CNTNAP5: variants seen among roughly 807,000 people sequenced by gnomAD.
CNTNAP5 encodes the protein contactin-associated protein-like 5.
Under a neutral mutation model 150.2 loss-of-function variants are expected in CNTNAP5, and 72 were observed. The ratio of observed to expected loss-of-function variants is 0.48; its 90% CI spans 0.40 to 0.58. CNTNAP5 has a LOEUF of 0.58. Among genes scored for constraint, CNTNAP5 ranks in the 20% least tolerant of loss-of-function variants. The probability of loss-of-function intolerance (pLI) is 0.00; values close to 1 mark genes in which losing one functional copy is unlikely to be tolerated. For synonymous variants in CNTNAP5, 672 were observed against 619.8 expected (o/e 1.08, Z -1.25); for missense variants, 1,636 against 1,626.2 (o/e 1.01, Z -0.10).
intron 13 of CNTNAP5, among the ~76,000 whole-genome samples, chr2:124,712,418 C>T (rs927454750): frequency 6.6e-6 from 1 of 152,146 alleles, no homozygotes; most frequent in Non-Finnish European, 1.5e-5. Flanking sequence ...AACACAGCTG[C>T]CAGGACTCAT....
At chr2:124,304,637 T>C (rs1350627709) in intron 3 of CNTNAP5, among the ~76,000 whole-genome samples, 1 of 151,960 alleles carries the variant, frequency 6.6e-6, no homozygotes, top group Non-Finnish European at 1.5e-5. Context: ...TGAGAGTCAA[T>C]TGGAAAGAGA....
intron 1 of CNTNAP5, among the ~76,000 whole-genome samples, chr2:124,157,049 C>T (rs954409133): frequency 6.6e-6 from 1 of 152,212 alleles, no homozygotes; most frequent in African/African-American, 2.4e-5. Context: ...ATAAAGGATT[C>T]TCCCCTAACT....
At chr2:124,113,364 T>G (rs1007603948) in intron 1 of CNTNAP5, among the ~76,000 whole-genome samples, 7 of 152,106 alleles carry the variant, frequency 4.6e-5, no homozygotes, top group African/African-American at 1.7e-4. Context: ...CGTTAAAAAA[T>G]TCTTTATTGT....
intron 13 of CNTNAP5, among the ~76,000 whole-genome samples, chr2:124,687,020 G>A (rs753954610): frequency 1.6e-4 from 25 of 152,046 alleles, no homozygotes; most frequent in South Asian, 1.2e-3. Flanking sequence ...CAGTCATTGC[G>A]AATGATCTTT....
At chr2:124,794,151 A>G (rs1681794524) in intron 18 of CNTNAP5, among the ~76,000 whole-genome samples, 1 of 152,114 alleles carries the variant, frequency 6.6e-6, no homozygotes, top group Non-Finnish European at 1.5e-5. Context: ...ATCTGGTGCT[A>G]CTACCTTCTC....
intron 1 of CNTNAP5, among the ~76,000 whole-genome samples, chr2:124,038,618 A>T (rs1558733821): frequency 6.6e-6 from 1 of 152,194 alleles, no homozygotes; most frequent in Non-Finnish European, 1.5e-5. Context: ...TAAAAGCAGA[A>T]CTTTTGGTTT....
chr2:124,805,910 C>A (rs1682070289), intron 19 of CNTNAP5, among the ~76,000 whole-genome samples: 1 of 152,102 alleles, frequency 6.6e-6, no homozygotes, highest in Admixed American at 6.5e-5. Flanking sequence ...GACACTAATC[C>A]TATAGGATGA....
chr2:124,403,372 G>C (rs1460530119), intron 3 of CNTNAP5, among the ~76,000 whole-genome samples: 1 of 152,066 alleles, frequency 6.6e-6, no homozygotes, highest in African/African-American at 2.4e-5. Flanking sequence ...ATATGTATTA[G>C]ATGTAAGATT....
intron 10 of CNTNAP5, among the ~76,000 whole-genome samples, chr2:124,558,853 C>T (rs1558953424): frequency 6.6e-6 from 1 of 152,146 alleles, no homozygotes; most frequent in Non-Finnish European, 1.5e-5. Context: ...GCATGTTCTG[C>T]TGAAAGTGTG....
intron 13 of CNTNAP5, among the ~76,000 whole-genome samples, chr2:124,679,582 T>C (rs926981543): frequency 6.6e-6 from 1 of 151,692 alleles, no homozygotes; most frequent in African/African-American, 2.4e-5. Context: ...TTTTTTTTTT[T>C]TGGAGCGGGG....
chr2:124,188,753 C>T (rs1685393219), intron 1 of CNTNAP5, among the ~76,000 whole-genome samples: 1 of 139,882 alleles, frequency 7.1e-6, no homozygotes, highest in African/African-American at 2.7e-5. Flanking sequence ...GGAACAGTGA[C>T]AAAGTGAGAG....
chr2:124,154,620 G>T (rs1164495248), intron 1 of CNTNAP5, among the ~76,000 whole-genome samples: 2 of 152,156 alleles, frequency 1.3e-5, no homozygotes, highest in Non-Finnish European at 2.9e-5. Flanking sequence ...ATGAAGAAAG[G>T]TCAGTGCTGC....
chr2:124,407,008 C>T (rs1234967471), intron 3 of CNTNAP5, among the ~76,000 whole-genome samples: 1 of 152,132 alleles, frequency 6.6e-6, no homozygotes, highest in African/African-American at 2.4e-5. Flanking sequence ...CAGTTCCGTC[C>T]ATGTTGTTGC....
chr2:124,304,583 T>C (rs2104649676), intron 3 of CNTNAP5, among the ~76,000 whole-genome samples: 1 of 152,164 alleles, frequency 6.6e-6, no homozygotes, highest in African/African-American at 2.4e-5. Flanking sequence ...GGGAATAATA[T>C]GAACAGAACC....
chr2:124,263,724 A>G (rs1219802439), intron 3 of CNTNAP5, among the ~76,000 whole-genome samples: 1 of 152,172 alleles, frequency 6.6e-6, no homozygotes, highest in Non-Finnish European at 1.5e-5. Context: ...GCCCTTGCCT[A>G]TGCCTATGTC....
intron 4 of CNTNAP5, among the ~76,000 whole-genome samples, chr2:124,422,642 CT>C (rs1283451073): frequency 6.6e-6 from 1 of 152,114 alleles, no homozygotes; most frequent in Non-Finnish European, 1.5e-5. Flanking sequence ...TACCCAGATA[CT>C]TTTTTTATTC....
At position 124,096,879 on chromosome 2, in the gene CNTNAP5, A is replaced by G. The variant is rs189602271; in HGVS notation, c.82+71147A>G. Among the ~76,000 whole-genome samples the G allele has an allele frequency of 2.8e-3, 416 of 150,842 alleles. 2 individuals are homozygous for G. Among genetic ancestry groups the G allele is most frequent in the African/African-American group, 9.8e-3 (405 of 41,268 alleles). The stretch of plus-strand genomic sequence containing the variant: ...CCACCATGCCGGGCTAATTTTTGAT[A>G]TTTTAGTAGAGACGGGGTTTCACCG... On this transcript the variant is annotated intron_variant, in intron 1 of 23. Transcript: ENST00000682447.
intron 1 of CNTNAP5, among the ~76,000 whole-genome samples, chr2:124,112,026 T>C (rs993277258): frequency 3.3e-5 from 5 of 152,220 alleles, no homozygotes; most frequent in Admixed American, 6.5e-5. Context: ...TTTGCTGGAA[T>C]CTTGTGCTGC....
At chr2:124,393,100 A>T (rs1007195768) in intron 3 of CNTNAP5, among the ~76,000 whole-genome samples, 3 of 152,102 alleles carry the variant, frequency 2.0e-5, no homozygotes, top group African/African-American at 7.2e-5. Context: ...AGAATGGGAG[A>T]ACCTCTTTAA....
Sources: allele counts gnomAD v4.1 joint callset (sites outside exome capture counted in the v4.1 genomes callset), GRCh38; gene constraint gnomAD v4.1.1; transcripts MANE v1.5; gene names NCBI Gene and HGNC (gene_info 2026-07-23, HGNC 2026-07-21).